The following AHRR variants were observed in gnomAD, a reference collection of about 807,000 sequenced individuals.
AHRR encodes ahR repressor.
Under a neutral mutation model 44.0 loss-of-function variants are expected in AHRR, and 28 were observed. That is an observed-to-expected ratio of 0.64 (90% CI 0.47 to 0.87). AHRR has a LOEUF of 0.87. Among genes scored for constraint, AHRR ranks in the 40% least tolerant of loss-of-function variants. The pLI is 0.00. For missense variants in AHRR, 990 were observed against 953.9 expected (o/e 1.04, Z -0.50); for synonymous variants, 434 against 407.0 (o/e 1.07, Z -0.80).
At chr5:415,670 T>G (rs966625770) in intron 5 of AHRR, among the ~76,000 whole-genome samples, 2 of 136,500 alleles carry the variant, frequency 1.5e-5, no homozygotes, top group South Asian at 4.6e-4. Context: ...GGGCCGAATC[T>G]GCCTGGTCGG....
chr5:421,040 A>G, intron 5 of AHRR: 1 of 514,062 alleles, frequency 1.9e-6, no homozygotes, highest in South Asian at 2.3e-5. Flanking sequence ...ATAGCAAGAA[A>G]CGTGGCCTAT....
At chr5:412,053 C>T (rs562141590) in intron 4 of AHRR, among the ~76,000 whole-genome samples, 33 of 152,298 alleles carry the variant, frequency 2.2e-4, no homozygotes, top group African/African-American at 6.0e-4. Context: ...CTGCGAGGCT[C>T]GCTGCTCAAA....
At chr5:413,315 T>C (rs1735548771) in intron 4 of AHRR, 29 bp from the exon 5 acceptor site, 1 of 1,247,640 alleles carries the variant, frequency 8.0e-7, no homozygotes, top group African/African-American at 2.9e-5. Flanking sequence ...CCAATTCGAT[T>C]TTTTTTTTTG....
At chr5:376,834 G>T in intron 4 of AHRR, 118 bp downstream of exon 4, 1 of 866,344 alleles carries the variant, frequency 1.2e-6, no homozygotes. Context: ...GAGGCCCTTA[G>T]GTTGTGAGGT....
chr5:333,693 C>T (rs1465802115), intron 1 of AHRR, among the ~76,000 whole-genome samples: 1 of 152,018 alleles, frequency 6.6e-6, no homozygotes, highest in African/African-American at 2.4e-5. Flanking sequence ...TTATTTGTTT[C>T]CTAGTTGTTT....
chr5:426,725 AGATGGGTG>A (rs1162439766), intron 7 of AHRR, among the ~76,000 whole-genome samples: 5 of 137,964 alleles, frequency 3.6e-5, no homozygotes, highest in Non-Finnish European at 8.0e-5. Flanking sequence ...ATGGACAGAT[AGATGGGTG>A]GATGGATGGA....
chr5:354,392 C>T (rs931111984), intron 3 of AHRR, among the ~76,000 whole-genome samples: 38 of 152,096 alleles, frequency 2.5e-4, no homozygotes, highest in Admixed American at 7.9e-4. Context: ...CCTGGGGTGC[C>T]GGGCGCCTCC....
At chr5:354,514 G>A (rs954576547) in intron 3 of AHRR, among the ~76,000 whole-genome samples, 1 of 152,198 alleles carries the variant, frequency 6.6e-6, no homozygotes, top group African/African-American at 2.4e-5. Flanking sequence ...CCTGTGCCCT[G>A]TCTGTCCTTG....
Position 342,474 on chromosome 5 carries a change from T to C in AHRR, c.-10-1419T>C, listed in dbSNP as rs1742379455. Among the ~76,000 whole-genome samples the C allele has an allele frequency of 6.6e-6, 1 of 152,266 alleles. No individual in the cohort carries two copies. The highest frequency in any genetic ancestry group is 1.9e-4 in the East Asian group (1 of 5,200). On this transcript the variant is annotated intron_variant, in intron 1 of 10. Coordinates refer to ENST00000684583, the MANE Select transcript of AHRR (RefSeq NM_001377236.1). This position sits in a 1 kb window ranked among gnomAD's most constrained non-coding sequence, Gnocchi z 4.3. ...CTTCTTTGTCTGGGACTCATACAGC[T>C]GCTTCATTTGATTAACGTTTGCATG...
intron 1 of AHRR, chr5:343,498 C>CGGGAACACGGGACCCCGCGGGAT (rs1742437826): frequency 4.2e-6 from 1 of 239,584 alleles, no homozygotes; most frequent in African/African-American, 2.6e-5. Flanking sequence ...TCCCGCGTGA[C>CGGGAACACGGGACCCCGCGGGAT]GAGTGTTTGG....
intron 4 of AHRR, among the ~76,000 whole-genome samples, chr5:412,776 A>G (rs1735521279): frequency 7.3e-6 from 1 of 136,110 alleles, no homozygotes; most frequent in African/African-American, 2.8e-5. Context: ...GCTGGAGGGC[A>G]GTGGTGCGAC....
At chr5:331,103 T>C (rs1741896394) in intron 1 of AHRR, among the ~76,000 whole-genome samples, 1 of 151,760 alleles carries the variant, frequency 6.6e-6, no homozygotes, top group Non-Finnish European at 1.5e-5. Flanking sequence ...TCTTGATCTC[T>C]TGACCACGTG....
intron 4 of AHRR, among the ~76,000 whole-genome samples, chr5:397,669 CT>C (rs1432550228): frequency 7.6e-6 from 1 of 132,388 alleles, no homozygotes; most frequent in Non-Finnish European, 1.5e-5. Context: ...CACGTAGCCC[CT>C]GACCATCCAT....
intron 1 of AHRR, among the ~76,000 whole-genome samples, chr5:324,057 C>CTCTT (rs374472424): frequency 0.064 from 9,154 of 143,734 alleles, 1,041 homozygotes; most frequent in African/African-American, 0.25. Flanking sequence ...CTCTCTCTCT[C>CTCTT]TCTTTCTTTC....
chr5:360,820 A>G (rs911486179), intron 3 of AHRR, among the ~76,000 whole-genome samples: 19 of 152,228 alleles, frequency 1.2e-4, no homozygotes, highest in African/African-American at 4.6e-4. Context: ...ATTTCTAAGC[A>G]AAGTGTTGAA....
chr5:400,825 T>A (rs905898953), intron 4 of AHRR, among the ~76,000 whole-genome samples: 7 of 152,242 alleles, frequency 4.6e-5, no homozygotes, highest in African/African-American at 1.7e-4. Context: ...AAGAAGACAT[T>A]TTATATACTC....
rs1736857967 is a variant in AHRR, at chr5:433,899, G to T, written c.1159G>T (p.Val387Leu). The T allele has an allele frequency of 6.6e-7, 1 of 1,520,192 alleles. No homozygotes were observed. Among genetic ancestry groups the T allele is most frequent in the Non-Finnish European group, 8.8e-7 (1 of 1,136,152 alleles). The allele number at this position is 1,520,192 out of a possible 1,614,324, so 94.2% of individuals were successfully genotyped here. A position where few individuals can be genotyped will look rare whatever the true frequency, so the allele number is the denominator to read the frequency against. Reference protein sequence around the residue: ...QHRMLSRASGVTGRRETPGPT... With the variant: ...QHRMLSRASGLTGRRETPGPT... The stretch of plus-strand genomic sequence containing the variant: ...CAGGATGCTGAGCAGGGCCTCTGGA[G>T]TGACAGGGCGGAGGGAGACTCCAGG... Residue 387 changes from valine to leucine, a missense_variant, in exon 11 of 11, where the codon GTG becomes TTG. Coordinates refer to ENST00000684583, the MANE Select transcript of AHRR (RefSeq NM_001377236.1).
intron 6 of AHRR, among the ~76,000 whole-genome samples, chr5:423,525 G>T (rs1256993165): frequency 6.6e-6 from 1 of 152,126 alleles, no homozygotes; most frequent in Non-Finnish European, 1.5e-5. Flanking sequence ...TTTCCACCAT[G>T]ACAGTATGAT....
At chr5:325,548 C>T (rs1741675951) in intron 1 of AHRR, among the ~76,000 whole-genome samples, 1 of 152,174 alleles carries the variant, frequency 6.6e-6, no homozygotes, top group African/African-American at 2.4e-5. Context: ...CTGGGCCAGA[C>T]ACGTGACCAT....
Sources: gnomAD v4.1 joint callset for allele counts (sites outside exome capture counted in the v4.1 genomes callset) on GRCh38, gnomAD v4.1.1 for gene constraint, Gnocchi (gnomAD v3.1) non-coding constraint, MANE v1.5 for transcripts, NCBI Gene and HGNC (gene_info 2026-07-23, HGNC 2026-07-21) for gene names.